The following COTL1 variants were observed in gnomAD, a reference collection of about 807,000 sequenced individuals.
COTL1 encodes coactosin-like protein.
A neutral mutation model predicts 16.5 loss-of-function variants in COTL1; 15 were observed. The ratio of observed to expected loss-of-function variants is 0.91; its 90% CI spans 0.61 to 1.40. COTL1 has a LOEUF of 1.40. Ranked by LOEUF, COTL1 falls within the 40% of genes most tolerant of loss-of-function variation. The pLI, the probability that COTL1 is intolerant of heterozygous loss-of-function variation, is 0.00. For synonymous variants in COTL1, 112 were observed against 85.3 expected (o/e 1.31, Z -1.73); for missense variants, 220 against 201.5 (o/e 1.09, Z -0.56).
At position 84,608,365 on chromosome 16, in the gene COTL1, T is replaced by C. The variant is rs1246415444; in HGVS notation, c.160+9136A>G. The stretch of plus-strand genomic sequence containing the variant: ...TACTTACCAGGAAGATACACATCTA[T>C]CATCCTTCATCATTTTCTGTTTGTG... On this transcript the variant is annotated intron_variant, in intron 2 of 3. Coordinates refer to ENST00000262428, the MANE Select transcript of COTL1 (RefSeq NM_021149.5). 3.3e-5 allele frequency among the ~76,000 whole-genome samples: 5 copies of C among 152,314 alleles called. No homozygotes were observed. The South Asian group carries it at 8.3e-4, about 25-fold the overall frequency.
Position 84,617,521 on chromosome 16 carries a change from T to C in COTL1, c.140A>G (p.His47Arg), listed in dbSNP as rs1296710164. Residue 47 changes from histidine (H) to arginine (R), a missense_variant, in exon 2 of 4, where the codon CAC becomes CGC. By Grantham distance (29) the His-to-Arg change is conservative. Transcript: ENST00000262428. ...VPGEQGAEYQ[H>R]FIQQCTDDVR... Reference sequence around the variant, plus strand: ...CCTACCTGTGCACTGCTGGATGAAGTGCTGGTACTCCGCTCCCTGCTCGCC... The same window carrying C: ...CCTACCTGTGCACTGCTGGATGAAGCGCTGGTACTCCGCTCCCTGCTCGCC... 9.6e-6 allele frequency: 15 copies of C among 1,555,060 alleles called. No homozygotes were observed. The Admixed American group carries it at 2.9e-4, about 30-fold the overall frequency.
intron 3 of COTL1, among the ~76,000 whole-genome samples, chr16:84,587,379 C>A (rs1904757815): frequency 6.6e-6 from 1 of 152,156 alleles, no homozygotes; most frequent in Non-Finnish European, 1.5e-5. Flanking sequence ...CGGAACCCCA[C>A]CTCCCGAGAT....
intron 3 of COTL1, among the ~76,000 whole-genome samples, chr16:84,587,385 G>A (rs937397128): frequency 1.3e-5 from 2 of 152,100 alleles, no homozygotes; most frequent in Admixed American, 1.3e-4. Flanking sequence ...CCCACCTCCC[G>A]AGATTGTTTT....
At chr16:84,581,978 C>CTTTTTTTTTTT (rs11332563) in intron 3 of COTL1, among the ~76,000 whole-genome samples, 3 of 66,038 alleles carry the variant, frequency 4.5e-5, no homozygotes, top group Admixed American at 2.1e-4. Context: ...TACATTTCTT[C>CTTTTTTTTTTT]TTTTTTTTTT....
intron 2 of COTL1, among the ~76,000 whole-genome samples, chr16:84,600,102 C>T (rs537845525): frequency 6.6e-6 from 1 of 152,220 alleles, no homozygotes; most frequent in East Asian, 1.9e-4. Context: ...TACTAAGAGG[C>T]CTGATATCAC....
intron 3 of COTL1, among the ~76,000 whole-genome samples, chr16:84,588,323 A>G (rs1292483114): frequency 6.6e-6 from 1 of 152,170 alleles, no homozygotes; most frequent in Non-Finnish European, 1.5e-5. Flanking sequence ...TCCTCTTAAC[A>G]CACACATACA....
chr16:84,595,524 C>T (rs911968003), intron 2 of COTL1: 3 of 152,208 alleles, frequency 2.0e-5, no homozygotes, highest in African/African-American at 4.8e-5. Context: ...GCTAGTTCTT[C>T]ATCCCTGGTT....
At chr16:84,609,834 C>G (rs1234626192) in intron 2 of COTL1, among the ~76,000 whole-genome samples, 1 of 152,204 alleles carries the variant, frequency 6.6e-6, no homozygotes, top group African/African-American at 2.4e-5. Context: ...TTTGCTTCCC[C>G]TTTTGCCATG....
At chr16:84,586,730 A>G (rs1309816302) in intron 3 of COTL1, among the ~76,000 whole-genome samples, 1 of 152,042 alleles carries the variant, frequency 6.6e-6, no homozygotes, top group East Asian at 1.9e-4. Context: ...ACTACAGGCC[A>G]CGTGCCACCA....
At chr16:84,602,898 T>G (rs1163470066) in intron 2 of COTL1, among the ~76,000 whole-genome samples, 1 of 151,492 alleles carries the variant, frequency 6.6e-6, no homozygotes, top group Non-Finnish European at 1.5e-5. Flanking sequence ...AAGGCAGTGT[T>G]GCTGGAGTCA....
intron 3 of COTL1, among the ~76,000 whole-genome samples, chr16:84,580,658 C>T (rs1241278307): frequency 2.0e-5 from 3 of 152,160 alleles, no homozygotes; most frequent in Non-Finnish European, 4.4e-5. Flanking sequence ...CTGGCTTCCA[C>T]CTGAACACTC....
intron 3 of COTL1, among the ~76,000 whole-genome samples, chr16:84,586,312 A>G (rs527287536): frequency 1.3e-5 from 2 of 152,328 alleles, no homozygotes; most frequent in African/African-American, 2.4e-5. Context: ...TGAGCTTGCA[A>G]ACGTAAGAAT....
chr16:84,612,941 C>T (rs561834213), intron 2 of COTL1, among the ~76,000 whole-genome samples: 1 of 151,966 alleles, frequency 6.6e-6, no homozygotes, highest in Admixed American at 6.6e-5. Context: ...AGGCCACACA[C>T]ACAATGAGTG....
intron 2 of COTL1, among the ~76,000 whole-genome samples, chr16:84,605,308 G>A (rs1438833735): frequency 6.6e-5 from 10 of 152,316 alleles, no homozygotes; most frequent in South Asian, 2.1e-4. Context: ...CCTGGCCTGC[G>A]TACTGCCTCG....
intron 3 of COTL1, among the ~76,000 whole-genome samples, chr16:84,582,648 T>C (rs1191697713): frequency 6.6e-6 from 1 of 152,216 alleles, no homozygotes; most frequent in Non-Finnish European, 1.5e-5. Context: ...TTGAGGCTGG[T>C]AGGAGAATGG....
chr16:84,589,568 C>A (rs1395510851), intron 3 of COTL1, among the ~76,000 whole-genome samples: 1 of 151,808 alleles, frequency 6.6e-6, no homozygotes, highest in African/African-American at 2.4e-5. Context: ...CCGGGGTTAC[C>A]TTTTGGAGTT....
intron 2 of COTL1, among the ~76,000 whole-genome samples, chr16:84,591,431 G>A (rs549288606): frequency 6.6e-5 from 10 of 151,618 alleles, no homozygotes; most frequent in Non-Finnish European, 1.2e-4. Context: ...TATTCCACCC[G>A]CCTCAGCCTC....
chr16:84,587,937 A>G (rs1400831741), intron 3 of COTL1, among the ~76,000 whole-genome samples: 2 of 151,954 alleles, frequency 1.3e-5, no homozygotes, highest in Non-Finnish European at 2.9e-5. Flanking sequence ...ACACCCGGCT[A>G]ATTTCTGTAT....
intron 2 of COTL1, among the ~76,000 whole-genome samples, chr16:84,600,086 T>C (rs1905079107): frequency 6.6e-6 from 1 of 152,022 alleles, no homozygotes; most frequent in Non-Finnish European, 1.5e-5. Context: ...AAGGGAGAGC[T>C]CTCATTACTA....
Sources: gnomAD v4.1 joint callset for allele counts (sites outside exome capture counted in the v4.1 genomes callset) on GRCh38, gnomAD v4.1.1 for gene constraint, MANE v1.5 for transcripts, NCBI Gene and HGNC (gene_info 2026-07-23, HGNC 2026-07-21) for gene names.